Variants in NCF2 observed in about 807,000 individuals in gnomAD.
NCF2 encodes neutrophil cytosol factor 2.
NCF2 carries 45 observed loss-of-function variants against 70.9 expected under a neutral mutation model. The ratio of observed to expected loss-of-function variants is 0.63; its 90% CI spans 0.50 to 0.81. NCF2 has a LOEUF of 0.81. Ranked by LOEUF, NCF2 falls within the 40% of genes least tolerant of loss-of-function variation. The pLI is 0.00. For missense variants in NCF2, 522 were observed against 631.6 expected (o/e 0.83, Z 1.86); for synonymous variants, 203 against 233.6 (o/e 0.87, Z 1.19).
At chr1:183,563,740 T>C (rs1317037957) in intron 11 of NCF2, 155 bp from the exon 12 acceptor site, 2 of 952,120 alleles carry the variant, frequency 2.1e-6, no homozygotes, top group East Asian at 4.9e-5. Context: ...TAAAAGGCCT[T>C]CAGAGGTCCT....
In NCF2 at chr1:183,570,837, G is replaced by C. The variant is rs772322729; in HGVS notation, c.612C>G (p.Val204=). The C allele has an allele frequency of 1.9e-6, 3 of 1,614,106 alleles. No individual in the cohort carries two copies. Among genetic ancestry groups the C allele is most frequent in the Non-Finnish European group, 2.5e-6 (3 of 1,179,994 alleles). The change falls in exon 6 of 15, where the codon GTC becomes GTG. Residue 204 remains valine, a splice_region_variant and synonymous_variant. Transcript: ENST00000367535. The stretch of plus-strand genomic sequence containing the variant: ...TGTCTTGATCCACCACAGATGCCAC[G>C]ACCTAAAATCAAGGACAGGAGGGTG... ...AKKDYLGKAT[V]VASVVDQDSF...
chr1:183,581,761 C>G (rs958154253), intron 2 of NCF2, among the ~76,000 whole-genome samples: 1 of 151,924 alleles, frequency 6.6e-6, no homozygotes, highest in African/African-American at 2.4e-5. Flanking sequence ...CTCCGCCTCC[C>G]GGTTCACGCC....
intron 2 of NCF2, among the ~76,000 whole-genome samples, chr1:183,586,481 A>T (rs2102933187): frequency 6.6e-6 from 1 of 152,226 alleles, no homozygotes; most frequent in East Asian, 1.9e-4. Context: ...CCTCAAATGG[A>T]TTAAACCAGG....
chr1:183,571,706 T>A (rs2102900311), intron 5 of NCF2, among the ~76,000 whole-genome samples: 1 of 152,324 alleles, frequency 6.6e-6, no homozygotes. Context: ...ATTCATATAA[T>A]CAAAACATTT....
chr1:183,557,472 T>C (rs1285871372), intron 14 of NCF2, among the ~76,000 whole-genome samples: 3 of 152,198 alleles, frequency 2.0e-5, no homozygotes, highest in Non-Finnish European at 4.4e-5. Flanking sequence ...TCAGAATCCA[T>C]TTAGGAAGAT....
In NCF2 at chr1:183,570,784, G is replaced by T; in HGVS notation, c.665C>A (p.Pro222Gln). 6.2e-7 allele frequency: 1 copy of T among 1,614,144 alleles called. No individual in the cohort carries two copies. The highest frequency in any genetic ancestry group is 1.1e-5 in the South Asian group (1 of 91,084). Residue 222 changes from proline to glutamine, a missense_variant, in exon 6 of 15, where the codon CCA becomes CAA. Transcript: ENST00000367535. ...DSFSGFAPLQ[P>Q]QAAEPPPRPK... is the part of the protein sequence containing the mutation. ...AGAAGGTCAGGACTGCCTTACCTGT[G>T]GTTGCAGAGGGGCAAACCCAGAGAA... is the stretch of plus-strand genomic sequence containing the variant.
At chr1:183,559,745 G>A (rs1365313889) in intron 14 of NCF2, among the ~76,000 whole-genome samples, 1 of 152,116 alleles carries the variant, frequency 6.6e-6, no homozygotes, top group Non-Finnish European at 1.5e-5. Flanking sequence ...TGTAATCCTA[G>A]CTACTCAGGA....
intron 2 of NCF2, among the ~76,000 whole-genome samples, chr1:183,582,546 T>C (rs182243285): frequency 6.8e-4 from 104 of 152,322 alleles, no homozygotes; most frequent in Middle Eastern, 3.4e-3. Flanking sequence ...CAGTGCCCCA[T>C]GCGTCCAGAG....
At chr1:183,575,750 G>A (rs909073619) in intron 3 of NCF2, among the ~76,000 whole-genome samples, 4 of 152,182 alleles carry the variant, frequency 2.6e-5, no homozygotes, top group African/African-American at 9.6e-5. Flanking sequence ...CAGCCCTAGA[G>A]AGAAGTTCAT....
At chr1:183,599,485 T>TTTCTTTC in the NCF2 span, among the ~76,000 whole-genome samples, 4 of 56,456 alleles carry the variant, frequency 7.1e-5, no homozygotes, top group Admixed American at 6.0e-4. Context: ...TTTCTTTCTC[T>TTTCTTTC]TTTCTTTCTT....
upstream of NCF2, among the ~76,000 whole-genome samples, chr1:183,592,770 T>G (rs574837574): frequency 9.8e-4 from 150 of 152,290 alleles, no homozygotes; most frequent in African/African-American, 3.5e-3. Flanking sequence ...ACCCTGACAC[T>G]CAGAACTCTC....
chr1:183,588,772 G>A (rs561504327), intron 1 of NCF2, among the ~76,000 whole-genome samples: 14 of 152,338 alleles, frequency 9.2e-5, no homozygotes, highest in Admixed American at 7.8e-4. Flanking sequence ...AAGGCTAGAA[G>A]CAGAGGAATG....
rs756610730 is a variant in NCF2 at position 183,569,165 on chromosome 1, T to G, written c.690A>C (p.Arg230Ser). 5.0e-6 allele frequency: 8 copies of G among 1,614,136 alleles called. No individual in the cohort carries two copies. The highest frequency in any genetic ancestry group is 6.8e-6 in the Non-Finnish European group (8 of 1,180,006). Residue 230 changes from arginine to serine, a missense_variant, in exon 7 of 15, where the codon AGA becomes AGC. Coordinates refer to ENST00000367535, the MANE Select transcript of NCF2 (RefSeq NM_000433.4). ...ACCTGAAGATCTCTGGGGTTTTCGG[T>G]CTGGGTGGAGGCTCAGCTGCCTATT... ...LQPQAAEPPP[R>S]PKTPEIFRAL...
intron 7 of NCF2, 49 bp from the exon 8 acceptor site, chr1:183,567,394 C>T: frequency 1.2e-6 from 2 of 1,611,246 alleles, no homozygotes; most frequent in Non-Finnish European, 1.7e-6. Context: ...CACATGATGC[C>T]ATGGCGCAAA....
intron 14 of NCF2, 54 bp from the exon 15 acceptor site, chr1:183,556,284 C>A: frequency 5.4e-6 from 8 of 1,471,748 alleles, no homozygotes; most frequent in Non-Finnish European, 5.7e-6. Flanking sequence ...GGAAGATTAC[C>A]CTGTCTGGCT....
In NCF2 at chr1:183,574,529, C is replaced by T. The variant is rs2102905721; in HGVS notation, c.459G>A (p.Glu153=). The change falls in exon 4 of 15, where the codon GAG becomes GAA. Residue 153 remains glutamate (E), a synonymous_variant. Transcript: ENST00000367535. The part of the protein sequence containing the change: ...QLALATSMKS[E]PRHSKIDKAM... ...CCTTGTCGATTTTGGAATGTCTGGG[C>T]TCAGACTTCATGCTCGTGGCCAATG... The T allele has an allele frequency of 6.2e-7, 1 of 1,614,230 alleles. No individual in the cohort carries two copies. Among genetic ancestry groups the T allele is most frequent in the South Asian group, 1.1e-5 (1 of 91,086 alleles).
chr1:183,564,969 G>T lies in NCF2; in HGVS notation c.1000+735C>A, dbSNP rs75445762. ...TAGAATGGAGCAGGGCGAGTTCATG[G>T]TGCAAAATGTTAACAATTGGTGAGT... On this transcript the variant is annotated intron_variant, in intron 10 of 14. Transcript: ENST00000367535. 1.5e-3 allele frequency among the ~76,000 whole-genome samples: 221 copies of T among 152,324 alleles called. 1 individual carries two copies. Among genetic ancestry groups the T allele is most frequent in the African/African-American group, 5.2e-3 (216 of 41,570 alleles).
chr1:183,599,867 T>C, the NCF2 span, among the ~76,000 whole-genome samples: 2 of 152,210 alleles, frequency 1.3e-5, no homozygotes, highest in Non-Finnish European at 2.9e-5. Context: ...TTTTCTTTTT[T>C]TGAGAGGATT....
chr1:183,571,366 T>A (rs1672556533), intron 5 of NCF2, among the ~76,000 whole-genome samples: 1 of 152,182 alleles, frequency 6.6e-6, no homozygotes, highest in Middle Eastern at 3.4e-3. Flanking sequence ...GATCTACCCA[T>A]CCAGCCTCCC....
Sources: allele counts gnomAD v4.1 joint callset (sites outside exome capture counted in the v4.1 genomes callset), GRCh38; gene constraint gnomAD v4.1.1; transcripts MANE v1.5; gene names NCBI Gene and HGNC (gene_info 2026-07-23, HGNC 2026-07-21).